PSTPIP2: variants seen among roughly 807,000 people sequenced by gnomAD.
PSTPIP2 encodes the protein proline-serine-threonine phosphatase interacting protein 2, also known as proline-serine-threonine phosphatase-interacting protein 2.
A neutral mutation model predicts 63.3 loss-of-function variants in PSTPIP2; 33 were observed. The ratio of observed to expected loss-of-function variants is 0.52; its 90% confidence interval spans 0.40 to 0.70. The LOEUF is 0.70. Ranked by LOEUF, PSTPIP2 falls within the 30% of genes least tolerant of loss-of-function variation. The pLI, the probability that PSTPIP2 is intolerant of heterozygous loss-of-function variation, is 0.00. For missense variants in PSTPIP2, 312 were observed against 400.7 expected, an observed-to-expected ratio of 0.78 and a Z score of 1.89; for synonymous variants, 125 against 132.7, an observed-to-expected ratio of 0.94 and a Z score of 0.40.
chr18:46,053,410 C>T (rs1361368616), intron 1 of PSTPIP2, among the ~76,000 whole-genome samples: 1 of 152,140 alleles, frequency 6.6e-6, no homozygotes, highest in African/African-American at 2.4e-5. Context: ...ATTTTAGAAG[C>T]GACTTACAGG....
Position 45,985,420 on chromosome 18 carries a change from C to T in PSTPIP2, c.*39G>A. 1 of 1,613,352 alleles carries T rather than the reference C, an allele frequency of 6.2e-7. No individual in the cohort carries two copies. ...TGCTCTGGGTGCCCTTTCCATATCA[C>T]AGAAGCACTAGCCGGAAAAAGCTCT... is the stretch of plus-strand genomic sequence containing the variant. On this transcript the variant is annotated 3_prime_UTR_variant, in exon 15 of 15. Transcript: ENST00000409746.
At chr18:46,012,812 C>A (rs1019722750) in intron 4 of PSTPIP2, among the ~76,000 whole-genome samples, 1 of 152,070 alleles carries the variant, frequency 6.6e-6, no homozygotes, top group Non-Finnish European at 1.5e-5. Flanking sequence ...AGAGAAAGGT[C>A]TGGAAATATA....
At chr18:46,023,760 G>A (rs1330865874) in intron 3 of PSTPIP2, among the ~76,000 whole-genome samples, 1 of 151,976 alleles carries the variant, frequency 6.6e-6, no homozygotes, top group Non-Finnish European at 1.5e-5. Context: ...ACGCCCAGAA[G>A]TCTATGTCTC....
At chr18:46,037,439 G>A (rs975532469) in intron 2 of PSTPIP2, among the ~76,000 whole-genome samples, 1 of 152,066 alleles carries the variant, frequency 6.6e-6, no homozygotes. Flanking sequence ...GAGCCACCAC[G>A]CCCTGCCTCT....
intron 1 of PSTPIP2, among the ~76,000 whole-genome samples, chr18:46,066,869 T>C (rs751364724): frequency 2.4e-4 from 37 of 151,706 alleles, no homozygotes; most frequent in Non-Finnish European, 4.3e-4. Flanking sequence ...CTACTAAAAA[T>C]ACAAAAAATT....
intron 5 of PSTPIP2, among the ~76,000 whole-genome samples, chr18:46,007,702 G>A (rs1365684448): frequency 6.6e-6 from 1 of 152,198 alleles, no homozygotes; most frequent in East Asian, 1.9e-4. Context: ...CACCTTACCT[G>A]TAAGATCTAT....
intron 3 of PSTPIP2, among the ~76,000 whole-genome samples, chr18:46,023,893 A>C (rs1907475743): frequency 6.6e-6 from 1 of 151,756 alleles, no homozygotes; most frequent in Non-Finnish European, 1.5e-5. Context: ...TCTACTATTA[A>C]ATTTGTAGTA....
intron 5 of PSTPIP2, among the ~76,000 whole-genome samples, chr18:46,009,022 T>TC (rs1287859757): frequency 4.9e-4 from 74 of 151,588 alleles, no homozygotes; most frequent in Non-Finnish European, 2.1e-4. Flanking sequence ...AGCGTCTTCC[T>TC]CCCCCCCATC....
chr18:45,997,590 C>G (rs971464865), intron 9 of PSTPIP2, among the ~76,000 whole-genome samples, 159 bp downstream of exon 9: 1 of 139,504 alleles, frequency 7.2e-6, no homozygotes, highest in Non-Finnish European at 1.6e-5. Flanking sequence ...GCAGAAGACC[C>G]ACCTCCCGCC....
intron 5 of PSTPIP2, among the ~76,000 whole-genome samples, chr18:46,005,884 G>A (rs1368358781): frequency 6.6e-6 from 1 of 152,160 alleles, no homozygotes; most frequent in Non-Finnish European, 1.5e-5. Context: ...TATTTTAAAA[G>A]AGGTCTTTAT....
intron 1 of PSTPIP2, among the ~76,000 whole-genome samples, chr18:46,071,289 A>C (rs569845486): frequency 6.6e-6 from 1 of 152,256 alleles, no homozygotes; most frequent in African/African-American, 2.4e-5. Flanking sequence ...AGCTGCGGTC[A>C]ACTTTGAGGT....
chr18:46,065,561 G>A (rs1045499666), intron 1 of PSTPIP2, among the ~76,000 whole-genome samples: 6 of 152,226 alleles, frequency 3.9e-5, no homozygotes, highest in Admixed American at 2.6e-4. Flanking sequence ...CCGCCTCCCG[G>A]GTTCAAGTGA....
intron 1 of PSTPIP2, among the ~76,000 whole-genome samples, chr18:46,043,305 T>C (rs1488288633): frequency 1.3e-5 from 2 of 148,646 alleles, no homozygotes; most frequent in African/African-American, 5.0e-5. Context: ...GCGGAAGGAT[T>C]GATTGAGCCT....
chr18:46,007,555 A>G (rs1194496262), intron 5 of PSTPIP2, among the ~76,000 whole-genome samples: 1 of 152,242 alleles, frequency 6.6e-6, no homozygotes, highest in Non-Finnish European at 1.5e-5. Context: ...AATGGTTCCC[A>G]ATTTTCCCAG....
Position 45,985,435 on chromosome 18 carries a change from G to T in PSTPIP2, c.*24C>A. ...TTCCATATCACAGAAGCACTAGCCG[G>T]AAAAAGCTCTGGTTTCTGAAAGAAA... On this transcript the variant is annotated 3_prime_UTR_variant, in exon 15 of 15. Coordinates refer to ENST00000409746, the MANE Select transcript of PSTPIP2 (RefSeq NM_024430.4). 1 of 1,613,376 alleles carries T rather than the reference G, an allele frequency of 6.2e-7. No individual in the cohort carries two copies. Among genetic ancestry groups the T allele is most frequent in the Non-Finnish European group, 8.5e-7 (1 of 1,179,794 alleles).
At chr18:46,008,432 T>C (rs530468959) in intron 5 of PSTPIP2, among the ~76,000 whole-genome samples, 5 of 123,938 alleles carry the variant, frequency 4.0e-5, no homozygotes, top group African/African-American at 1.5e-4. Flanking sequence ...CTGCCTCAGC[T>C]TCCCGAGTAA....
At chr18:46,041,009 T>G (rs1373932039) in intron 1 of PSTPIP2, 1 of 458,238 alleles carries the variant, frequency 2.2e-6, no homozygotes, top group South Asian at 1.5e-5. Context: ...GCTATAAAAT[T>G]TTTACTCTGT....
rs73438233 is a variant in PSTPIP2, at chr18:45,987,220, G to A, written c.*8+1482C>T. On this transcript the variant is annotated intron_variant, in intron 14 of 14. Coordinates refer to ENST00000409746, the MANE Select transcript of PSTPIP2 (RefSeq NM_024430.4). ...GTTGGCTATAAGTCACAAAGTAGGT[G>A]TTTTTAGAGGACTGGAGACAAACAA... Among the ~76,000 whole-genome samples the A allele has an allele frequency of 1.5e-3, 228 of 152,316 alleles. 1 individual carries two copies. The highest frequency in any genetic ancestry group is 5.4e-3 in the African/African-American group (224 of 41,564).
At chr18:46,001,213 A>G (rs1435670910) in intron 6 of PSTPIP2, among the ~76,000 whole-genome samples, 1 of 152,176 alleles carries the variant, frequency 6.6e-6, no homozygotes, top group Non-Finnish European at 1.5e-5. Flanking sequence ...TCCCACCAAC[A>G]GTGTGTAAGA....
Sources: gnomAD v4.1 joint callset for allele counts (sites outside exome capture counted in the v4.1 genomes callset) on GRCh38, gnomAD v4.1.1 for gene constraint, MANE v1.5 for transcripts, NCBI Gene and HGNC (gene_info 2026-07-23, HGNC 2026-07-21) for gene names.